EYA2: variants seen among roughly 807,000 people sequenced by gnomAD.
The protein encoded by EYA2 is protein phosphatase EYA2.
In EYA2, 31 loss-of-function variants were observed where a neutral mutation model predicts 69.2. That is an observed-to-expected ratio of 0.45 (90% CI 0.34 to 0.60). The LOEUF is 0.60. Among genes scored for constraint, EYA2 ranks in the 20% least tolerant of loss-of-function variants. The probability of loss-of-function intolerance (pLI) is 0.02; values close to 1 mark genes in which losing one functional copy is unlikely to be tolerated. For missense variants in EYA2, 622 were observed against 701.2 expected (o/e 0.89, Z 1.28); for synonymous variants, 257 against 279.4 (o/e 0.92, Z 0.80).
At chr20:46,969,518 T>G (rs994619397) in intron 1 of EYA2, among the ~76,000 whole-genome samples, 4 of 152,132 alleles carry the variant, frequency 2.6e-5, no homozygotes, top group Non-Finnish European at 4.4e-5. Flanking sequence ...CATTCTTCCC[T>G]GCCTTCCTCT....
intron 5 of EYA2, among the ~76,000 whole-genome samples, chr20:47,026,437 T>C (rs941573454): frequency 2.0e-5 from 3 of 152,060 alleles, no homozygotes; most frequent in Non-Finnish European, 4.4e-5. Context: ...TACAGAATTT[T>C]TTTTTTCTTT....
intron 7 of EYA2, among the ~76,000 whole-genome samples, chr20:47,086,071 A>G (rs2031885029): frequency 1.3e-5 from 2 of 152,236 alleles, no homozygotes; most frequent in Non-Finnish European, 2.9e-5. Context: ...ACTCCAAGAA[A>G]GGTTTACATA....
chr20:47,130,779 A>G (rs2033322641), intron 9 of EYA2, among the ~76,000 whole-genome samples: 1 of 152,172 alleles, frequency 6.6e-6, no homozygotes, highest in Admixed American at 6.5e-5. Context: ...ACAAACAAGT[A>G]TATTCAGTAT....
chr20:46,967,287 C>T (rs148269353), intron 1 of EYA2, among the ~76,000 whole-genome samples: 27 of 152,378 alleles, frequency 1.8e-4, no homozygotes, highest in African/African-American at 5.5e-4. Context: ...CAAGCTGGAG[C>T]CACTGCACCT....
intron 10 of EYA2, chr20:47,161,512 C>A: frequency 2.3e-6 from 1 of 438,748 alleles, no homozygotes; most frequent in South Asian, 1.7e-5. Context: ...ATCTTCATGT[C>A]CTTGACCAGG....
intron 1 of EYA2, among the ~76,000 whole-genome samples, chr20:46,953,539 A>T (rs1020648532): frequency 1.3e-5 from 2 of 152,180 alleles, no homozygotes; most frequent in African/African-American, 2.4e-5. Context: ...TGGCCTTGAG[A>T]ACATCAGCGG....
intron 1 of EYA2, among the ~76,000 whole-genome samples, chr20:46,896,772 T>C (rs1298318112): frequency 6.6e-6 from 1 of 152,214 alleles, no homozygotes; most frequent in Non-Finnish European, 1.5e-5. Flanking sequence ...CCTGAACTTT[T>C]TTTTACTTTA....
chr20:47,050,026 G>A (rs573576273), intron 5 of EYA2, among the ~76,000 whole-genome samples: 8 of 152,302 alleles, frequency 5.3e-5, no homozygotes, highest in Admixed American at 2.6e-4. Flanking sequence ...CATAAGTGAC[G>A]TTGCACCCTC....
intron 1 of EYA2, among the ~76,000 whole-genome samples, chr20:46,917,786 G>A (rs934056652): frequency 1.3e-5 from 2 of 152,218 alleles, no homozygotes; most frequent in African/African-American, 2.4e-5. Context: ...GATCGTCTGA[G>A]CCTTTAGCGA....
intron 1 of EYA2, among the ~76,000 whole-genome samples, chr20:46,896,706 G>A (rs1444492527): frequency 1.3e-5 from 2 of 152,260 alleles, no homozygotes; most frequent in Non-Finnish European, 2.9e-5. Context: ...TGCCTTCGTA[G>A]CAAACTCTTA....
At chr20:46,901,350 G>A (rs1465487014) in intron 1 of EYA2, 1 of 152,170 alleles carries the variant, frequency 6.6e-6, no homozygotes, top group Non-Finnish European at 1.5e-5. Context: ...TGTGGTTAAG[G>A]TATTCATGGT....
At chr20:46,935,823 T>C (rs929451586) in intron 1 of EYA2, among the ~76,000 whole-genome samples, 1 of 151,566 alleles carries the variant, frequency 6.6e-6, no homozygotes, top group African/African-American at 2.4e-5. Flanking sequence ...ATATAATATG[T>C]TATAATAACA....
At chr20:46,992,018 C>CGTTCCCCG (rs1555810278) in intron 2 of EYA2, among the ~76,000 whole-genome samples, 2 of 146,850 alleles carry the variant, frequency 1.4e-5, no homozygotes, top group East Asian at 4.0e-4. Flanking sequence ...TGGGCCCCCA[C>CGTTCCCCG]ATTCCCCGCT....
At chr20:47,115,307 G>A (rs541561002) in intron 9 of EYA2, among the ~76,000 whole-genome samples, 73 of 152,230 alleles carry the variant, frequency 4.8e-4, no homozygotes, top group African/African-American at 1.4e-3. Context: ...GTCTTCAGCC[G>A]TCTTCCCTGG....
chr20:46,908,640 C>G (rs1199965834), intron 1 of EYA2, among the ~76,000 whole-genome samples: 1 of 152,178 alleles, frequency 6.6e-6, no homozygotes, highest in Non-Finnish European at 1.5e-5. Context: ...AGTAGGTATG[C>G]TAATAGCAGG....
intron 10 of EYA2, among the ~76,000 whole-genome samples, chr20:47,164,292 T>A (rs16992390): frequency 0.019 from 2,820 of 152,208 alleles, 98 homozygotes; most frequent in African/African-American, 0.064. Flanking sequence ...TTTTATTAAG[T>A]CCGAAATGTG....
At chr20:47,146,639 A>G (rs2033706609) in intron 10 of EYA2, among the ~76,000 whole-genome samples, 1 of 152,386 alleles carries the variant, frequency 6.6e-6, no homozygotes, top group South Asian at 2.1e-4. Context: ...GGTGCAAGGC[A>G]GTCCCTGTCA....
intron 1 of EYA2, among the ~76,000 whole-genome samples, chr20:46,947,246 C>T (rs898362025): frequency 4.0e-5 from 6 of 151,796 alleles, no homozygotes; most frequent in African/African-American, 1.4e-4. Context: ...GTTCTCTTGT[C>T]TAGTCTTTCA....
chr20:46,932,483 T>G (rs1985713895), intron 1 of EYA2, among the ~76,000 whole-genome samples: 1 of 152,140 alleles, frequency 6.6e-6, no homozygotes, highest in Non-Finnish European at 1.5e-5. Context: ...AATTCCCATG[T>G]GCCAAGGGAG....
Sources: allele counts gnomAD v4.1 joint callset (sites outside exome capture counted in the v4.1 genomes callset), GRCh38; gene constraint gnomAD v4.1.1; transcripts MANE v1.5; gene names NCBI Gene and HGNC (gene_info 2026-07-23, HGNC 2026-07-21).